ST3GAL1: variants seen among roughly 807,000 people sequenced by gnomAD.
ST3GAL1 encodes the protein ST3 beta-galactoside alpha-2,3-sialyltransferase 1, also known as CMP-N-acetylneuraminate-beta-galactosamide-alpha-2,3-sialyltransferase 1.
ST3GAL1 carries 16 observed loss-of-function variants against 34.1 expected under a neutral mutation model. The observed-to-expected ratio is 0.47, with a 90% CI of 0.32 to 0.71. The LOEUF (loss-of-function observed/expected upper bound fraction) is 0.71. Ranked by LOEUF, ST3GAL1 falls within the 30% of genes least tolerant of loss-of-function variation. The probability of loss-of-function intolerance (pLI) is 0.04; values close to 1 mark genes in which losing one functional copy is unlikely to be tolerated. For synonymous variants in ST3GAL1, 191 were observed against 184.7 expected (o/e 1.03, Z -0.28); for missense variants, 353 against 447.4 (o/e 0.79, Z 1.90).
Position 133,476,053 on chromosome 8 carries a change from G to A in ST3GAL1, c.-29C>T, listed in dbSNP as rs373642551. ...CGCAGTCCTGATGGTGGCCTCCCAC[G>A]ATGGGTAGCAGGAACTCCCTCCTAA... On this transcript the variant is annotated 5_prime_UTR_variant, in exon 5 of 10. Coordinates refer to ENST00000522652, the MANE Select transcript of ST3GAL1 (RefSeq NM_173344.3). The A allele has an allele frequency of 1.2e-5, 18 of 1,531,790 alleles. No individual in the cohort carries two copies. Among genetic ancestry groups the A allele is most frequent in the Admixed American group, 2.1e-5 (1 of 48,572 alleles). 94.9% of individuals were successfully genotyped at this position (1,531,790 alleles called of 1,614,324 possible).
intron 1 of ST3GAL1, among the ~76,000 whole-genome samples, chr8:133,555,620 T>TGCACC (rs1818991633): frequency 6.6e-6 from 1 of 152,164 alleles, no homozygotes. Context: ...AAACCTTGCT[T>TGCACC]GCACCTCATT....
In ST3GAL1 at chr8:133,570,380, G is replaced by A. The variant is rs1819531567; in HGVS notation, c.-582+1313C>T. The stretch of plus-strand genomic sequence containing the variant: ...CTCAGGGTCACGGCTGACTCCCTCT[G>A]CGGGACTCGCCCAGCCCGCGAGACG... On this transcript the variant is annotated intron_variant, in intron 1 of 9. Coordinates refer to ENST00000522652, the MANE Select transcript of ST3GAL1 (RefSeq NM_173344.3). The surrounding 1 kb of genome is among the most constrained non-coding windows in gnomAD (Gnocchi z 5.6). 6.6e-6 allele frequency: 1 copy of A among 152,264 alleles called. No individual in the cohort carries two copies. The highest frequency in any genetic ancestry group is 2.4e-5 in the African/African-American group (1 of 41,464). 9.4% of individuals were successfully genotyped at this position (152,264 alleles called of 1,614,324 possible). A position where few individuals can be genotyped will look rare whatever the true frequency, so the allele number is the denominator to read the frequency against.
chr8:133,482,855 T>G (rs1816447892), intron 3 of ST3GAL1, among the ~76,000 whole-genome samples: 1 of 152,236 alleles, frequency 6.6e-6, no homozygotes, highest in South Asian at 2.1e-4. Context: ...TGGAACCCAT[T>G]TATTCTGGTT....
rs1269965856 is a variant in ST3GAL1 at position 133,456,380 on chromosome 8, C to T, written c.*3384G>A. The T allele has an allele frequency of 6.6e-6, 1 of 152,268 alleles. No homozygotes were observed. Among genetic ancestry groups the T allele is most frequent in the East Asian group, 1.9e-4 (1 of 5,180 alleles). The allele number at this position is 152,268 out of a possible 1,614,324, so 9.4% of individuals were successfully genotyped here. A position where few individuals can be genotyped will look rare whatever the true frequency, so the allele number is the denominator to read the frequency against. Reference sequence around the variant, plus strand: ...CAGGTTCAGCTCTGGGTGCTGCAGGCAGGGACCCCTCTGCTCCCTGCCTGA... The same window carrying T: ...CAGGTTCAGCTCTGGGTGCTGCAGGTAGGGACCCCTCTGCTCCCTGCCTGA... On this transcript the variant is annotated 3_prime_UTR_variant, in exon 10 of 10. Coordinates refer to ENST00000522652, the MANE Select transcript of ST3GAL1 (RefSeq NM_173344.3).
chr8:133,560,446 G>A (rs1054472861), intron 1 of ST3GAL1, among the ~76,000 whole-genome samples: 50 of 152,370 alleles, frequency 3.3e-4, no homozygotes, highest in African/African-American at 1.2e-3. Context: ...CCCAGTGATG[G>A]TGAATCGGGG....
intron 2 of ST3GAL1, among the ~76,000 whole-genome samples, chr8:133,541,108 T>TAGAG (rs1216030600): frequency 3.7e-4 from 17 of 45,718 alleles, no homozygotes; most frequent in Admixed American, 2.2e-3. Flanking sequence ...TATATATATA[T>TAGAG]ATATATATAT....
At chr8:133,490,328 C>G (rs1355964103) in intron 3 of ST3GAL1, among the ~76,000 whole-genome samples, 1 of 152,048 alleles carries the variant, frequency 6.6e-6, no homozygotes, top group Admixed American at 6.5e-5. Context: ...ACCCAGGTAC[C>G]CAAGCATGCC....
At chr8:133,567,482 A>G (rs1819437212) in intron 1 of ST3GAL1, among the ~76,000 whole-genome samples, 2 of 152,208 alleles carry the variant, frequency 1.3e-5, no homozygotes, top group Admixed American at 6.5e-5. Context: ...GAAAGGGCTG[A>G]CCAAAGTGAT....
At chr8:133,521,726 T>A (rs1307606587) in intron 2 of ST3GAL1, among the ~76,000 whole-genome samples, 3 of 152,254 alleles carry the variant, frequency 2.0e-5, no homozygotes, top group African/African-American at 7.2e-5. Flanking sequence ...TCATTAATAA[T>A]GATCATGAAG....
chr8:133,552,794 C>T (rs1420290998), intron 1 of ST3GAL1, among the ~76,000 whole-genome samples: 3 of 152,190 alleles, frequency 2.0e-5, no homozygotes, highest in Non-Finnish European at 4.4e-5. Context: ...CTGGCTGCTT[C>T]GCTGGAAGAG....
chr8:133,526,740 T>A (rs1414750279), intron 2 of ST3GAL1, among the ~76,000 whole-genome samples: 1 of 152,100 alleles, frequency 6.6e-6, no homozygotes, highest in Non-Finnish European at 1.5e-5. Context: ...CAAGGTGACG[T>A]CAGAGTGGTT....
intron 2 of ST3GAL1, among the ~76,000 whole-genome samples, chr8:133,512,781 T>C (rs1285435856): frequency 6.6e-6 from 1 of 152,218 alleles, no homozygotes; most frequent in Non-Finnish European, 1.5e-5. Context: ...CAAAACCAGC[T>C]GGGTTTTTTA....
At chr8:133,518,524 T>TG (rs1817709714) in intron 2 of ST3GAL1, among the ~76,000 whole-genome samples, 1 of 152,242 alleles carries the variant, frequency 6.6e-6, no homozygotes, top group Non-Finnish European at 1.5e-5. Flanking sequence ...CTTCATTTGA[T>TG]GCTTAAATCT....
At position 133,556,694 on chromosome 8, in the gene ST3GAL1, G is replaced by A. The variant is rs1311621972; in HGVS notation, c.-581-10768C>T. Among the ~76,000 whole-genome samples the A allele has an allele frequency of 3.3e-5, 5 of 152,150 alleles. No individual in the cohort carries two copies. The highest frequency in any genetic ancestry group is 1.9e-4 in the East Asian group (1 of 5,198). On this transcript the variant is annotated intron_variant, in intron 1 of 9. Transcript: ENST00000522652. This position sits in a 1 kb window ranked among gnomAD's most constrained non-coding sequence, Gnocchi z 8.9. Reference sequence around the variant, plus strand: ...AGAGAAGGGAGAAAGAAAACTATTAGCCATGGAAACCTTGCACCCAAGGAC... The same window carrying A: ...AGAGAAGGGAGAAAGAAAACTATTAACCATGGAAACCTTGCACCCAAGGAC...
intron 1 of ST3GAL1, among the ~76,000 whole-genome samples, chr8:133,552,149 G>A (rs1438408534): frequency 1.3e-5 from 2 of 152,190 alleles, no homozygotes; most frequent in African/African-American, 4.8e-5. Flanking sequence ...CCCACTGCAG[G>A]GGGAGAGAGA....
chr8:133,506,208 T>A (rs780044810), intron 2 of ST3GAL1, among the ~76,000 whole-genome samples: 2 of 152,156 alleles, frequency 1.3e-5, no homozygotes, highest in Non-Finnish European at 2.9e-5. Flanking sequence ...CCTTGTTCTA[T>A]TCCTCACTGG....
chr8:133,517,124 C>T (rs1270217698), intron 2 of ST3GAL1, among the ~76,000 whole-genome samples: 1 of 152,180 alleles, frequency 6.6e-6, no homozygotes, highest in Admixed American at 6.5e-5. Context: ...TTATTGAAAC[C>T]ATTATGGGGA....
At chr8:133,541,116 T>TAGACAGAGAGAG (rs1287760256) in intron 2 of ST3GAL1, among the ~76,000 whole-genome samples, 1 of 48,514 alleles carries the variant, frequency 2.1e-5, no homozygotes, top group African/African-American at 1.1e-4. Context: ...TATATATATA[T>TAGACAGAGAGAG]ATATAGAGAG....
intron 2 of ST3GAL1, among the ~76,000 whole-genome samples, chr8:133,510,059 C>CAAAA (rs61402942): frequency 8.3e-6 from 1 of 120,228 alleles, no homozygotes. Context: ...AACTCTGTCT[C>CAAAA]AAAAAAAAAA....
Sources: gnomAD v4.1 joint callset for allele counts (sites outside exome capture counted in the v4.1 genomes callset) on GRCh38, gnomAD v4.1.1 for gene constraint, Gnocchi (gnomAD v3.1) non-coding constraint, MANE v1.5 for transcripts, NCBI Gene and HGNC (gene_info 2026-07-23, HGNC 2026-07-21) for gene names.